Variants in PDXDC1 observed in about 807,000 individuals in gnomAD.
PDXDC1 encodes pyridoxal dependent decarboxylase domain containing 1.
Under a neutral mutation model 100.1 loss-of-function variants are expected in PDXDC1, and 42 were observed. The observed-to-expected ratio is 0.42, with a 90% CI of 0.33 to 0.54. PDXDC1 has a LOEUF of 0.54. Ranked by LOEUF, PDXDC1 falls within the 20% of genes least tolerant of loss-of-function variation. The probability of loss-of-function intolerance (pLI) is 0.10; values close to 1 mark genes in which losing one functional copy is unlikely to be tolerated. For missense variants in PDXDC1, 636 were observed against 979.2 expected (o/e 0.65, Z 4.68); for synonymous variants, 260 against 371.7 (o/e 0.70, Z 3.46).
intron 1 of PDXDC1, among the ~76,000 whole-genome samples, chr16:14,978,624 G>T (rs577019880): frequency 1.3e-5 from 2 of 152,392 alleles, no homozygotes; most frequent in South Asian, 4.1e-4. Flanking sequence ...CAACCTCCTG[G>T]GCTGAAGCCA....
At chr16:15,150,390 A>AAAT in the PDXDC1 span, among the ~76,000 whole-genome samples, 2 of 137,312 alleles carry the variant, frequency 1.5e-5, no homozygotes, top group African/African-American at 2.6e-5. Context: ...AATAAATAAA[A>AAAT]GACATCACTC....
At chr16:15,081,459 G>A (rs1322774587) in intron 16 of PDXDC1, among the ~76,000 whole-genome samples, 1 of 152,124 alleles carries the variant, frequency 6.6e-6, no homozygotes, top group Non-Finnish European at 1.5e-5. Context: ...GGCTAATGAT[G>A]TTGAGCTTCT....
At chr16:15,131,258 C>G (rs1346420127) in intron 16 of PDXDC1, 1 of 1,590,720 alleles carries the variant, frequency 6.3e-7, no homozygotes, top group East Asian at 2.2e-5. Context: ...ACGGTGATGG[C>G]GCGCTCTGAG....
intron 1 of PDXDC1, among the ~76,000 whole-genome samples, chr16:14,977,693 A>T (rs1013406333): frequency 6.6e-6 from 1 of 152,248 alleles, no homozygotes; most frequent in African/African-American, 2.4e-5. Flanking sequence ...AATGTTGATG[A>T]CTTTATGTTC....
At chr16:15,111,379 C>T (rs145121616) in intron 16 of PDXDC1, among the ~76,000 whole-genome samples, 3,857 of 146,550 alleles carry the variant, frequency 0.026, 188 homozygotes, top group East Asian at 0.06. Flanking sequence ...TCACTTGAAC[C>T]CAGCAGGAAA....
chr16:15,023,336 A>G (rs2042344438), intron 13 of PDXDC1, among the ~76,000 whole-genome samples: 1 of 152,294 alleles, frequency 6.6e-6, no homozygotes, highest in Non-Finnish European at 1.5e-5. Context: ...GTTTTGCTTC[A>G]TGGTATTTTA....
chr16:15,038,923 G>GT (rs574328541), downstream of PDXDC1, among the ~76,000 whole-genome samples: 498 of 152,300 alleles, frequency 3.3e-3, 10 homozygotes, highest in Middle Eastern at 0.01. Flanking sequence ...GGACGAGGGT[G>GT]TTTTTTCCCA....
At chr16:15,094,005 C>T (rs1030725183) in intron 16 of PDXDC1, 7 of 739,468 alleles carry the variant, frequency 9.5e-6, no homozygotes, top group African/African-American at 7.1e-5. Flanking sequence ...GAGCTCATTT[C>T]TGTGAACGTG....
At chr16:15,079,925 T>C in intron 16 of PDXDC1, 1 of 1,426,468 alleles carries the variant, frequency 7.0e-7, no homozygotes, top group Non-Finnish European at 9.5e-7. Flanking sequence ...CACTGACTAT[T>C]GTTTCCACAT....
rs559930033 is a variant in PDXDC1 at position 15,106,615 on chromosome 16, C to G, written c.1400-32264C>G. Among the ~76,000 whole-genome samples the G allele has an allele frequency of 1.9e-3, 285 of 149,228 alleles. 11 individuals are homozygous for G. The highest frequency in any genetic ancestry group is 5.4e-3 in the African/African-American group (223 of 41,286). ...CTAAAAATACAAAAAATTAGGCGGGCGTGGTGGCAGGCACCTGTAAGCCCA... is the reference window on the plus strand; with the variant it reads ...CTAAAAATACAAAAAATTAGGCGGGGGTGGTGGCAGGCACCTGTAAGCCCA... On this transcript the variant is annotated intron_variant, in intron 16 of 16. Coordinates refer to the PDXDC1 transcript ENST00000535621.
chr16:15,013,055 A>G (rs1432200872), intron 8 of PDXDC1, among the ~76,000 whole-genome samples: 10 of 152,262 alleles, frequency 6.6e-5, no homozygotes, highest in Non-Finnish European at 1.2e-4. Flanking sequence ...CTGTAGTCCT[A>G]GCTACTTGGG....
intron 1 of PDXDC1, among the ~76,000 whole-genome samples, chr16:14,987,953 TACTA>T (rs1328056755): frequency 6.6e-6 from 1 of 152,202 alleles, no homozygotes; most frequent in East Asian, 1.9e-4. Context: ...TTTTCCTATG[TACTA>T]ACTAATAGAC....
At chr16:15,149,958 C>A in the PDXDC1 span, among the ~76,000 whole-genome samples, 1 of 152,112 alleles carries the variant, frequency 6.6e-6, no homozygotes, top group East Asian at 1.9e-4. Flanking sequence ...GAGGTGGCAC[C>A]CCCAAGACAC....
At chr16:15,020,036 C>T (rs571849066) in intron 12 of PDXDC1, among the ~76,000 whole-genome samples, 10 of 148,302 alleles carry the variant, frequency 6.7e-5, no homozygotes, top group Middle Eastern at 3.4e-3. Flanking sequence ...GGTGTGAACC[C>T]GGGAGGCAGA....
rs1218113193 is a variant in PDXDC1, at chr16:15,036,988, TGGCACACAA to T, written c.*715_*723del. The T allele has an allele frequency of 6.6e-6, 1 of 152,518 alleles. No homozygotes were observed. The highest frequency in any genetic ancestry group is 1.5e-5 in the Non-Finnish European group (1 of 68,272). The allele number at this position is 152,518 out of a possible 1,614,324, so 9.4% of individuals were successfully genotyped here. On this transcript the variant is annotated 3_prime_UTR_variant, in exon 23 of 23. Coordinates refer to ENST00000396410, the MANE Select transcript of PDXDC1 (RefSeq NM_015027.4). Reference sequence around the variant, plus strand: ...TAAATACTGGCAAAGCTTTTAAAATTGGCACACAAGTACAGACTGTGCTCATTTCTGTTT... The same window carrying T: ...TAAATACTGGCAAAGCTTTTAAAATTGTACAGACTGTGCTCATTTCTGTTT...
At chr16:15,063,051 C>T in intron 16 of PDXDC1, 2 of 698,072 alleles carry the variant, frequency 2.9e-6, no homozygotes, top group Non-Finnish European at 5.2e-6. Context: ...ACTGTGTTGC[C>T]CAGGCTGGTC....
chr16:15,102,039 G>A (rs1329650438), intron 16 of PDXDC1, among the ~76,000 whole-genome samples: 2 of 152,072 alleles, frequency 1.3e-5, no homozygotes, highest in African/African-American at 4.8e-5. Flanking sequence ...GTAGAGACAG[G>A]GTTTCGCCAT....
chr16:15,001,968 G>A (rs2151367592), intron 4 of PDXDC1, 112 bp downstream of exon 4: 1 of 835,478 alleles, frequency 1.2e-6, no homozygotes, highest in African/African-American at 1.7e-5. Flanking sequence ...AGTTACATAT[G>A]ATATTAAAAT....
intron 16 of PDXDC1, among the ~76,000 whole-genome samples, chr16:15,081,760 T>C (rs1237936511): frequency 1.3e-5 from 2 of 152,270 alleles, no homozygotes; most frequent in African/African-American, 4.8e-5. Flanking sequence ...ACCAACATCA[T>C]GAAAATGTAC....
Sources: gnomAD v4.1 joint callset for allele counts (sites outside exome capture counted in the v4.1 genomes callset) on GRCh38, gnomAD v4.1.1 for gene constraint, MANE v1.5 for transcripts, NCBI Gene and HGNC (gene_info 2026-07-23, HGNC 2026-07-21) for gene names.